CLEC16A: variants seen among roughly 807,000 people sequenced by gnomAD.
CLEC16A encodes the protein C-type lectin domain containing 16A, also known as protein CLEC16A.
CLEC16A carries 51 observed loss-of-function variants against 109.5 expected under a neutral mutation model. The ratio of observed to expected loss-of-function variants is 0.47; its 90% CI spans 0.37 to 0.59. CLEC16A has a LOEUF of 0.59. CLEC16A is among the 20% of genes least tolerant of loss of function. The probability of loss-of-function intolerance (pLI) is 0.00; values close to 1 mark genes in which losing one functional copy is unlikely to be tolerated. For missense variants in CLEC16A, 1,339 were observed against 1,394.0 expected, an observed-to-expected ratio of 0.96 and a Z score of 0.63; for synonymous variants, 673 against 564.2, an observed-to-expected ratio of 1.19 and a Z score of -2.73.
intron 11 of CLEC16A, among the ~76,000 whole-genome samples, chr16:11,013,598 A>T (rs1421547166): frequency 6.6e-6 from 1 of 152,140 alleles, no homozygotes; most frequent in Admixed American, 6.5e-5. Context: ...AGCCCTGAAA[A>T]TACAAAAAAA....
Position 11,008,395 on chromosome 16 carries a change from G to A in CLEC16A, c.1303+5090G>A, listed in dbSNP as rs180954953. Reference sequence around the variant, plus strand: ...ATCAGATTCGAATGGACATCAGCCCGGGCGAGTTGTTAAATTATTGCTGTA... The same window carrying A: ...ATCAGATTCGAATGGACATCAGCCCAGGCGAGTTGTTAAATTATTGCTGTA... On this transcript the variant is annotated intron_variant, in intron 11 of 23. Transcript: ENST00000409790. Among the ~76,000 whole-genome samples, 382 of 152,220 alleles carry A rather than the reference G, an allele frequency of 2.5e-3. 1 individual carries two copies. Among genetic ancestry groups the A allele is most frequent in the African/African-American group, 8.9e-3 (368 of 41,518 alleles).
chr16:11,119,581 G>A (rs2153022254), intron 19 of CLEC16A, among the ~76,000 whole-genome samples: 1 of 152,106 alleles, frequency 6.6e-6, no homozygotes, highest in Non-Finnish European at 1.5e-5. Flanking sequence ...TTGTAGAGAT[G>A]GGGTTTTGCC....
chr16:11,169,335 G>A (rs1377659357), intron 23 of CLEC16A, among the ~76,000 whole-genome samples: 2 of 152,194 alleles, frequency 1.3e-5, no homozygotes, highest in East Asian at 3.8e-4. Flanking sequence ...TGCCCAGGCT[G>A]AAGTGCAGTG....
At chr16:11,092,205 G>A (rs1400984184) in intron 19 of CLEC16A, among the ~76,000 whole-genome samples, 2 of 152,128 alleles carry the variant, frequency 1.3e-5, no homozygotes, top group Admixed American at 1.3e-4. Context: ...CTAGCCACGT[G>A]TGGTGGTATG....
In CLEC16A at chr16:11,042,246, C is replaced by G. The variant is rs1418535279; in HGVS notation, c.1661-8C>G. On this transcript the variant is annotated splice_region_variant and splice_polypyrimidine_tract_variant and intron_variant, in intron 14 of 23. Transcript: ENST00000409790. ...GGTGTGCAAGGCTTACCCTGGTGTG[C>G]TCTGCAGATGGGAAGATCCGGCTGG... 1 of 1,568,250 alleles carries G rather than the reference C, an allele frequency of 6.4e-7. No individual in the cohort carries two copies. Among genetic ancestry groups the G allele is most frequent in the Non-Finnish European group, 8.6e-7 (1 of 1,156,368 alleles).
At chr16:11,012,028 C>T (rs1289315592) in intron 11 of CLEC16A, among the ~76,000 whole-genome samples, 2 of 152,124 alleles carry the variant, frequency 1.3e-5, no homozygotes, top group African/African-American at 4.8e-5. Context: ...CTCCCCCATG[C>T]CCACCCCAAT....
At chr16:11,141,302 A>C (rs1387956567) in intron 22 of CLEC16A, among the ~76,000 whole-genome samples, 1 of 152,254 alleles carries the variant, frequency 6.6e-6, no homozygotes, top group Non-Finnish European at 1.5e-5. Context: ...TCCTTCTTCC[A>C]GCCAGTGCAC....
chr16:10,979,499 A>C, intron 9 of CLEC16A, 117 bp downstream of exon 9: 1 of 887,444 alleles, frequency 1.1e-6, no homozygotes. Context: ...CCCATGCTGG[A>C]GTAAAATAAC....
At chr16:11,089,862 G>C (rs1483324505) in intron 19 of CLEC16A, among the ~76,000 whole-genome samples, 1 of 152,200 alleles carries the variant, frequency 6.6e-6, no homozygotes, top group Non-Finnish European at 1.5e-5. Context: ...AGTCAACCCT[G>C]TGCTCTGCTC....
chr16:10,966,126 C>T (rs578039152), intron 3 of CLEC16A, among the ~76,000 whole-genome samples: 6 of 152,110 alleles, frequency 3.9e-5, no homozygotes, highest in Admixed American at 2.0e-4. Flanking sequence ...CTGGGTGACA[C>T]GATACCCATG....
At position 11,178,602 on chromosome 16, in the gene CLEC16A, C is replaced by T. The variant is rs2068857074; in HGVS notation, c.3074C>T (p.Pro1025Leu). The T allele has an allele frequency of 6.2e-7, 1 of 1,607,038 alleles. No individual in the cohort carries two copies. Among genetic ancestry groups the T allele is most frequent in the Non-Finnish European group, 8.5e-7 (1 of 1,178,864 alleles). ...AGCCTCCGCAGCCTCACCGGCATGC[C>T]CCCGCTGTCCACGCCGGCTGCCGCC... ...PHSLRSLTGMPPLSTPAAACT... is the reference protein window; with the variant it reads ...PHSLRSLTGMLPLSTPAAACT... Residue 1025 changes from proline to leucine, a missense_variant, in exon 24 of 24, where the codon CCC (proline) becomes CTC (leucine). Around this residue, in one of 3 missense-constraint regions of CLEC16A, gnomAD observed 1,061 missense variants for 1,006.8 expected, o/e 1.05. Coordinates refer to ENST00000409790, the MANE Select transcript of CLEC16A (RefSeq NM_015226.3). This position sits in a 1 kb window ranked among gnomAD's most constrained non-coding sequence, Gnocchi z 6.5.
intron 22 of CLEC16A, among the ~76,000 whole-genome samples, chr16:11,132,102 A>G (rs1597497217): frequency 6.6e-6 from 1 of 152,166 alleles, no homozygotes; most frequent in African/African-American, 2.4e-5. Flanking sequence ...AAAACTAACC[A>G]CTTGAAAGTG....
chr16:11,119,042 C>T (rs570684612), intron 19 of CLEC16A, among the ~76,000 whole-genome samples: 1 of 152,304 alleles, frequency 6.6e-6, no homozygotes, highest in East Asian at 1.9e-4. Flanking sequence ...TATTCTGTCA[C>T]CCAGGCTGAA....
At chr16:10,995,090 T>G (rs141720501) in intron 10 of CLEC16A, among the ~76,000 whole-genome samples, 1 of 152,318 alleles carries the variant, frequency 6.6e-6, no homozygotes, top group East Asian at 1.9e-4. Flanking sequence ...AGCAAGACAA[T>G]GTATATAAAG....
At chr16:10,955,354 A>G (rs1257917216) in intron 1 of CLEC16A, among the ~76,000 whole-genome samples, 1 of 152,178 alleles carries the variant, frequency 6.6e-6, no homozygotes, top group African/African-American at 2.4e-5. Context: ...CAAGATCAAT[A>G]AGGTGATGGT....
intron 19 of CLEC16A, among the ~76,000 whole-genome samples, chr16:11,104,917 A>G (rs1049283872): frequency 2.0e-5 from 3 of 152,176 alleles, no homozygotes; most frequent in African/African-American, 7.2e-5. Flanking sequence ...AGGGCTTCCG[A>G]AGACCAGGAT....
At chr16:11,029,609 C>T (rs1555462715) in intron 13 of CLEC16A, among the ~76,000 whole-genome samples, 1 of 152,142 alleles carries the variant, frequency 6.6e-6, no homozygotes, top group Non-Finnish European at 1.5e-5. Flanking sequence ...TCTTATGCTG[C>T]CTGTTCATCC....
chr16:10,946,685 A>G (rs34968693), intron 1 of CLEC16A, among the ~76,000 whole-genome samples: 64,975 of 152,090 alleles, frequency 0.43, 14,398 homozygotes, highest in East Asian at 0.58. Flanking sequence ...GCTTAACTCT[A>G]GCCCTTTTAA....
At chr16:10,965,091 A>G (rs2042438338) in intron 3 of CLEC16A, among the ~76,000 whole-genome samples, 1 of 152,134 alleles carries the variant, frequency 6.6e-6, no homozygotes, top group African/African-American at 2.4e-5. Context: ...TGCTTCTATG[A>G]ATTTGACTGT....
Sources: gnomAD v4.1 joint callset for allele counts (sites outside exome capture counted in the v4.1 genomes callset) on GRCh38, gnomAD v4.1.1 for gene constraint, gnomAD v4.1.1 regional missense constraint, Gnocchi (gnomAD v3.1) non-coding constraint, MANE v1.5 for transcripts, NCBI Gene and HGNC (gene_info 2026-07-23, HGNC 2026-07-21) for gene names.